Variants in TTLL11 observed in about 807,000 individuals in gnomAD.
The protein encoded by TTLL11 is tubulin tyrosine ligase like 11.
TTLL11 carries 42 observed loss-of-function variants against 51.7 expected under a neutral mutation model. The ratio of observed to expected loss-of-function variants is 0.81; its 90% confidence interval spans 0.64 to 1.05. The LOEUF (loss-of-function observed/expected upper bound fraction) is 1.05. TTLL11 is among the 50% of genes least tolerant of loss of function. TTLL11 has a pLI of 0.00. For missense variants in TTLL11, 799 were observed against 940.4 expected (o/e 0.85, Z 1.97); for synonymous variants, 381 against 383.5 (o/e 0.99, Z 0.08).
intron 1 of TTLL11, among the ~76,000 whole-genome samples, chr9:122,053,958 A>G (rs1303397074): frequency 6.6e-6 from 1 of 152,158 alleles, no homozygotes; most frequent in Non-Finnish European, 1.5e-5. Flanking sequence ...TCATCCTCTA[A>G]TAGAGCCAAT....
chr9:121,876,499 T>C (rs1264845411), intron 6 of TTLL11, among the ~76,000 whole-genome samples: 1 of 152,122 alleles, frequency 6.6e-6, no homozygotes, highest in Non-Finnish European at 1.5e-5. Context: ...ATATAAACAG[T>C]GACTTGGCAG....
At chr9:121,847,090 G>C (rs1837537889) in intron 8 of TTLL11, among the ~76,000 whole-genome samples, 1 of 151,790 alleles carries the variant, frequency 6.6e-6, no homozygotes, top group African/African-American at 2.4e-5. Flanking sequence ...GGCGCCTATA[G>C]TCCCAGCTAC....
intron 6 of TTLL11, among the ~76,000 whole-genome samples, chr9:121,917,521 GAA>G (rs1840374060): frequency 1.2e-5 from 1 of 86,720 alleles, no homozygotes; most frequent in African/African-American, 5.2e-5. Flanking sequence ...GAGAGAGAAA[GAA>G]AGGAAGGAAG....
intron 6 of TTLL11, among the ~76,000 whole-genome samples, chr9:121,915,650 G>A (rs1840293559): frequency 6.6e-6 from 1 of 152,092 alleles, no homozygotes; most frequent in Non-Finnish European, 1.5e-5. Flanking sequence ...CTGTTTGTGT[G>A]TGTAAAAGAA....
intron 1 of TTLL11, among the ~76,000 whole-genome samples, chr9:122,081,440 T>C (rs765638044): frequency 2.0e-5 from 3 of 152,226 alleles, no homozygotes; most frequent in Admixed American, 1.3e-4. Context: ...AGAACTAATA[T>C]GTGGTGGGGA....
chr9:121,931,568 C>T (rs1254018672), intron 6 of TTLL11, among the ~76,000 whole-genome samples: 3 of 140,384 alleles, frequency 2.1e-5, no homozygotes, highest in Non-Finnish European at 4.6e-5. Context: ...CATGGTAAAA[C>T]CCTGTTTCTA....
At chr9:121,825,124 C>G (rs368782441) in intron 8 of TTLL11, among the ~76,000 whole-genome samples, 22 of 152,302 alleles carry the variant, frequency 1.4e-4, no homozygotes, top group African/African-American at 5.1e-4. Context: ...GAGTAGGAGC[C>G]TTGGTCTGAC....
At chr9:122,038,891 T>C (rs1844769909) in intron 2 of TTLL11, among the ~76,000 whole-genome samples, 1 of 152,180 alleles carries the variant, frequency 6.6e-6, no homozygotes, top group Non-Finnish European at 1.5e-5. Flanking sequence ...ATATAATACT[T>C]AAAGAAAAGG....
intron 7 of TTLL11, among the ~76,000 whole-genome samples, chr9:121,866,319 C>A (rs185060672): frequency 6.6e-6 from 1 of 152,266 alleles, no homozygotes; most frequent in Non-Finnish European, 1.5e-5. Context: ...CAGAGAATAT[C>A]ATCTTTTATG....
At chr9:122,081,213 G>A (rs1342275490) in intron 1 of TTLL11, among the ~76,000 whole-genome samples, 2 of 152,174 alleles carry the variant, frequency 1.3e-5, no homozygotes, top group Non-Finnish European at 2.9e-5. Flanking sequence ...AGGAACTCAC[G>A]CTCTCTTCAG....
chr9:122,063,941 T>C lies in TTLL11; in HGVS notation c.463-24573A>G, dbSNP rs146384866. Among the ~76,000 whole-genome samples, 107 of 152,330 alleles carry C rather than the reference T, an allele frequency of 7.0e-4. 2 individuals are homozygous for C. Among genetic ancestry groups the C allele is most frequent in the African/African-American group, 2.6e-3 (106 of 41,562 alleles). ...TAAATTTCAAAGGCAGTCATATATC[T>C]GAAAGGTATTCCTAAGTGTTAGGAA... On this transcript the variant is annotated intron_variant, in intron 1 of 8. Coordinates refer to ENST00000321582, the MANE Select transcript of TTLL11 (RefSeq NM_001139442.2).
In TTLL11 at chr9:121,987,600, T is replaced by C. The variant is rs1039240173; in HGVS notation, c.1269+1595A>G. 3.3e-5 allele frequency among the ~76,000 whole-genome samples: 5 copies of C among 152,140 alleles called. No individual in the cohort carries two copies. In the South Asian group the frequency reaches 1.0e-3, roughly 32 times the overall value. ...TCACTGAAGTCTCCAGTCAACTCCT[T>C]ACGAGTGGAGAGGACAGTTTCAGTG... On this transcript the variant is annotated intron_variant, in intron 4 of 8. Coordinates refer to ENST00000321582, the MANE Select transcript of TTLL11 (RefSeq NM_001139442.2).
At chr9:122,086,304 G>A (rs1846123343) in intron 1 of TTLL11, among the ~76,000 whole-genome samples, 1 of 152,176 alleles carries the variant, frequency 6.6e-6, no homozygotes, top group South Asian at 2.1e-4. Flanking sequence ...CAATGGTAGT[G>A]AATTGTGATT....
At chr9:122,082,006 G>A (rs1846013721) in intron 1 of TTLL11, among the ~76,000 whole-genome samples, 1 of 152,106 alleles carries the variant, frequency 6.6e-6, no homozygotes, top group Admixed American at 6.5e-5. Context: ...TAAATTAAAA[G>A]AACACATTTT....
chr9:122,025,526 G>T (rs1844305692), intron 3 of TTLL11, among the ~76,000 whole-genome samples: 1 of 152,154 alleles, frequency 6.6e-6, no homozygotes, highest in Non-Finnish European at 1.5e-5. Flanking sequence ...CCAGCTACTT[G>T]GGAGGATCGC....
intron 6 of TTLL11, among the ~76,000 whole-genome samples, chr9:121,900,713 C>T (rs1048475616): frequency 6.6e-6 from 1 of 152,128 alleles, no homozygotes; most frequent in Non-Finnish European, 1.5e-5. Flanking sequence ...TGACTAATTT[C>T]TTCAAATGTA....
At position 121,822,852 on chromosome 9, in the gene TTLL11, G is replaced by T; in HGVS notation, c.1868C>A (p.Ala623Asp). ...SGMCLQAFVE[A>D]FFFLAQRKFK... ...CTTCCTCTGAGCCAGGAAAAAGAAA[G>T]CTTCTACGAAGGCCTGCAGACACAT... The change falls in exon 9 of 9, where the codon GCT (alanine) becomes GAT (aspartate). Residue 623 changes from alanine (A) to aspartate (D), a missense_variant. Transcript: ENST00000321582. The surrounding 1 kb of genome is among the most constrained non-coding windows in gnomAD (Gnocchi z 5.8). 1 of 1,551,372 alleles carries T rather than the reference G, an allele frequency of 6.4e-7. No individual in the cohort carries two copies. Among genetic ancestry groups the T allele is most frequent in the Non-Finnish European group, 8.7e-7 (1 of 1,146,866 alleles).
intron 6 of TTLL11, among the ~76,000 whole-genome samples, chr9:121,926,392 C>A (rs1018367174): frequency 4.6e-5 from 7 of 152,234 alleles, no homozygotes; most frequent in East Asian, 1.9e-4. Context: ...AAAAATAACT[C>A]CCCCCTTCTT....
At chr9:122,092,594 C>A in intron 1 of TTLL11, 93 bp downstream of exon 1, 1 of 1,492,260 alleles carries the variant, frequency 6.7e-7, no homozygotes. Context: ...GCTCAGCCCT[C>A]GCCCGCCGAC....
Sources: gnomAD v4.1 joint callset for allele counts (sites outside exome capture counted in the v4.1 genomes callset) on GRCh38, gnomAD v4.1.1 for gene constraint, Gnocchi (gnomAD v3.1) non-coding constraint, MANE v1.5 for transcripts, NCBI Gene and HGNC (gene_info 2026-07-23, HGNC 2026-07-21) for gene names.